CAPZB: variants seen among roughly 807,000 people sequenced by gnomAD.
CAPZB encodes F-actin-capping protein subunit beta.
Under a neutral mutation model 38.1 loss-of-function variants are expected in CAPZB, and 2 were observed. The ratio of observed to expected loss-of-function variants is 0.05; its 90% CI spans 0.02 to 0.17. The LOEUF (loss-of-function observed/expected upper bound fraction) is 0.17, where lower values mean the gene tolerates loss of function less well. Among genes scored for constraint, CAPZB ranks in the 10% least tolerant of loss-of-function variants. The pLI is 1.00. For missense variants in CAPZB, 161 were observed against 334.2 expected (o/e 0.48, Z 4.04); for synonymous variants, 107 against 127.4 (o/e 0.84, Z 1.08).
intron 8 of CAPZB, among the ~76,000 whole-genome samples, chr1:19,343,933 G>A (rs2093946793): frequency 6.6e-6 from 1 of 152,228 alleles, no homozygotes; most frequent in African/African-American, 2.4e-5. Flanking sequence ...CCCGGACTGA[G>A]GGCCCTGCCT....
chr1:19,362,212 GTCTC>G (rs2094056796), intron 4 of CAPZB, among the ~76,000 whole-genome samples: 1 of 152,056 alleles, frequency 6.6e-6, no homozygotes, highest in African/African-American at 2.4e-5. Context: ...TTGAGACAGA[GTCTC>G]TCTGTCGCCC....
At chr1:19,403,318 G>C (rs1292660161) in intron 2 of CAPZB, among the ~76,000 whole-genome samples, 2 of 152,220 alleles carry the variant, frequency 1.3e-5, no homozygotes, top group Non-Finnish European at 2.9e-5. Flanking sequence ...GATGGAGCAA[G>C]TCCAAGAGAC....
chr1:19,456,510 C>T (rs2094533486), intron 1 of CAPZB, among the ~76,000 whole-genome samples: 1 of 152,146 alleles, frequency 6.6e-6, no homozygotes, highest in South Asian at 2.1e-4. Context: ...TCTTGGGTTC[C>T]CTTCAACGTA....
rs113034980 is a variant in CAPZB at position 19,373,992 on chromosome 1, G to GT, written c.329+4547dup. ...ATCTTTTCAAGCAGGGCCTCAAGGA[G>GT]TAAGGACAAAGCTAATGGGTTAATG... is the stretch of plus-strand genomic sequence containing the variant. On this transcript the variant is annotated intron_variant, in intron 4 of 8. Coordinates refer to ENST00000264202, the MANE Select transcript of CAPZB (RefSeq NM_004930.5). 2.2e-4 allele frequency among the ~76,000 whole-genome samples: 33 copies of GT among 152,326 alleles called. 1 individual carries two copies. Among genetic ancestry groups the GT allele is most frequent in the African/African-American group, 7.7e-4 (32 of 41,578 alleles).
At chr1:19,440,462 T>C (rs1288376147) in intron 1 of CAPZB, among the ~76,000 whole-genome samples, 1 of 152,188 alleles carries the variant, frequency 6.6e-6, no homozygotes, top group Non-Finnish European at 1.5e-5. Flanking sequence ...AATCCAACCC[T>C]CACAGCTCAG....
At chr1:19,388,112 C>A (rs143361349) in intron 2 of CAPZB, among the ~76,000 whole-genome samples, 2 of 152,166 alleles carry the variant, frequency 1.3e-5, no homozygotes, top group South Asian at 4.1e-4. Context: ...GTCCCCTCAA[C>A]GTAGGAAAGC....
intron 1 of CAPZB, among the ~76,000 whole-genome samples, chr1:19,452,185 C>T (rs941789805): frequency 1.3e-5 from 2 of 152,032 alleles, no homozygotes; most frequent in Non-Finnish European, 2.9e-5. Context: ...CTCCTGCCCC[C>T]GACTCAGCTC....
chr1:19,382,488 C>A (rs1409330957), intron 3 of CAPZB, among the ~76,000 whole-genome samples: 2 of 152,108 alleles, frequency 1.3e-5, no homozygotes, highest in Non-Finnish European at 2.9e-5. Flanking sequence ...TTTAAGCAAA[C>A]CATCAAACAC....
chr1:19,392,472 T>C (rs2094241866), intron 2 of CAPZB, among the ~76,000 whole-genome samples: 2 of 146,914 alleles, frequency 1.4e-5, no homozygotes, highest in South Asian at 4.4e-4. Context: ...ACGCAGCACC[T>C]CCTGGGTCAC....
At chr1:19,414,440 T>G (rs1396357326) in intron 2 of CAPZB, among the ~76,000 whole-genome samples, 1 of 152,166 alleles carries the variant, frequency 6.6e-6, no homozygotes, top group Non-Finnish European at 1.5e-5. Flanking sequence ...CTGGATACTT[T>G]CCCAGCCCTG....
At position 19,485,426 on chromosome 1, in the gene CAPZB, C is replaced by A; in HGVS notation, c.3+10G>T. ...CCCCCGGGCCGGGGAGGGGGCCGTG[C>A]GGCCTTTACCATGGTGGCGGCGGCG... On this transcript the variant is annotated intron_variant, in intron 1 of 8. Coordinates refer to ENST00000264202, the MANE Select transcript of CAPZB (RefSeq NM_004930.5). The A allele has an allele frequency of 2.4e-6, 3 of 1,229,430 alleles. No homozygotes were observed. Among genetic ancestry groups the A allele is most frequent in the Non-Finnish European group, 3.0e-6 (3 of 986,448 alleles). The allele number at this position is 1,229,430 out of a possible 1,614,324, so 76.2% of individuals were successfully genotyped here.
At chr1:19,426,434 G>C (rs1290369170) in intron 1 of CAPZB, among the ~76,000 whole-genome samples, 3 of 150,870 alleles carry the variant, frequency 2.0e-5, no homozygotes, top group Non-Finnish European at 4.4e-5. Context: ...CCTCCCACTT[G>C]TGGTGGGGCG....
intron 2 of CAPZB, among the ~76,000 whole-genome samples, chr1:19,402,382 T>C (rs1380316458): frequency 1.3e-5 from 2 of 152,218 alleles, no homozygotes; most frequent in African/African-American, 4.8e-5. Flanking sequence ...GGCACATTTC[T>C]CAGTTACGAT....
chr1:19,438,702 T>G (rs2094466100), intron 1 of CAPZB, among the ~76,000 whole-genome samples: 1 of 152,080 alleles, frequency 6.6e-6, no homozygotes, highest in African/African-American at 2.4e-5. Flanking sequence ...TGCTTCCCAG[T>G]GAGACTCAGC....
At chr1:19,392,299 A>C (rs1322477957) in intron 2 of CAPZB, among the ~76,000 whole-genome samples, 1 of 152,180 alleles carries the variant, frequency 6.6e-6, no homozygotes, top group East Asian at 1.9e-4. Context: ...TGACATGTGA[A>C]TAATGACCAA....
chr1:19,485,526 C>T lies in CAPZB; in HGVS notation c.-88G>A. 8.9e-7 allele frequency: 1 copy of T among 1,118,766 alleles called. No individual in the cohort carries two copies. The highest frequency in any genetic ancestry group is 1.6e-5 in the African/African-American group (1 of 62,028). The allele number at this position is 1,118,766 out of a possible 1,614,324, so 69.3% of individuals were successfully genotyped here. A position where few individuals can be genotyped will look rare whatever the true frequency, so the allele number is the denominator to read the frequency against. The stretch of plus-strand genomic sequence containing the variant: ...CCGGCGCTTCCACTTCCCCGGGTGC[C>T]CAGGAGTGAACATCCGGGTCAGCAC... On this transcript the variant is annotated 5_prime_UTR_variant, in exon 1 of 9. Transcript: ENST00000264202.
intron 1 of CAPZB, among the ~76,000 whole-genome samples, chr1:19,468,567 C>T (rs1430022007): frequency 6.6e-6 from 1 of 152,068 alleles, no homozygotes; most frequent in Admixed American, 6.6e-5. Context: ...CAGGGTGGGG[C>T]GGAGCAGGGC....
chr1:19,452,269 C>G (rs1031879497), intron 1 of CAPZB, among the ~76,000 whole-genome samples: 1 of 152,170 alleles, frequency 6.6e-6, no homozygotes, highest in Non-Finnish European at 1.5e-5. Context: ...CCTGCTCCCC[C>G]GCAACGGCTC....
intron 1 of CAPZB, among the ~76,000 whole-genome samples, chr1:19,477,815 G>T (rs1007437464): frequency 1.3e-5 from 2 of 152,152 alleles, no homozygotes; most frequent in African/African-American, 4.8e-5. Context: ...GAACTCCTGG[G>T]CCCAAGCGAT....
Sources: gnomAD v4.1 joint callset for allele counts (sites outside exome capture counted in the v4.1 genomes callset) on GRCh38, gnomAD v4.1.1 for gene constraint, MANE v1.5 for transcripts, NCBI Gene and HGNC (gene_info 2026-07-23, HGNC 2026-07-21) for gene names.